ACAP2: variants seen among roughly 807,000 people sequenced by gnomAD.
ACAP2 encodes arf-GAP with coiled-coil, ANK repeat and PH domain-containing protein 2.
Under a neutral mutation model 115.8 loss-of-function variants are expected in ACAP2, and 39 were observed. The observed-to-expected ratio is 0.34, with a 90% CI of 0.26 to 0.44. The LOEUF (loss-of-function observed/expected upper bound fraction) is 0.44, where lower values mean the gene tolerates loss of function less well. ACAP2 is among the 20% of genes least tolerant of loss of function. ACAP2 has a pLI of 1.00. For missense variants in ACAP2, 662 were observed against 927.6 expected, an observed-to-expected ratio of 0.71 and a Z score of 3.72; for synonymous variants, 289 against 315.8, an observed-to-expected ratio of 0.92 and a Z score of 0.90.
At chr3:195,368,341 G>C (rs1250149390) in intron 4 of ACAP2, among the ~76,000 whole-genome samples, 2 of 152,056 alleles carry the variant, frequency 1.3e-5, no homozygotes, top group Non-Finnish European at 2.9e-5. Flanking sequence ...ATAGAGACGG[G>C]GTTTCACCAT....
chr3:195,386,982 T>C (rs1229261519), intron 2 of ACAP2, among the ~76,000 whole-genome samples: 2 of 152,010 alleles, frequency 1.3e-5, no homozygotes, highest in South Asian at 2.1e-4. Context: ...GCACAGAACA[T>C]AGCCATGAAA....
At chr3:195,326,391 C>T (rs1176245117) in intron 9 of ACAP2, 7 of 152,412 alleles carry the variant, frequency 4.6e-5, no homozygotes, top group South Asian at 2.1e-4. Flanking sequence ...TAGGCTTAGA[C>T]AATTTAACAG....
intron 4 of ACAP2, among the ~76,000 whole-genome samples, chr3:195,347,044 G>A (rs1311339170): frequency 2.0e-5 from 3 of 151,826 alleles, no homozygotes; most frequent in Non-Finnish European, 4.4e-5. Context: ...TTTTGGTGTG[G>A]AGACCCAACT....
chr3:195,438,001 G>A lies in ACAP2; in HGVS notation c.53+4794C>T, dbSNP rs554063790. ...CAAAGTGCTGGGATTACAAATGTAA[G>A]CCATTGCGCCCCACCTGCAAGAATT... On this transcript the variant is annotated intron_variant, in intron 1 of 22. Transcript: ENST00000326793. Among the ~76,000 whole-genome samples, 24 of 141,802 alleles carry A rather than the reference G, an allele frequency of 1.7e-4. No homozygotes were observed. The South Asian group carries it at 5.3e-3, about 31-fold the overall frequency. The allele number at this position is 141,802 out of a possible 152,430, so 93.0% of individuals were successfully genotyped here. A position where few individuals can be genotyped will look rare whatever the true frequency, so the allele number is the denominator to read the frequency against.
intron 10 of ACAP2, among the ~76,000 whole-genome samples, chr3:195,319,742 G>A (rs1221249935): frequency 6.6e-6 from 1 of 152,164 alleles, no homozygotes; most frequent in Non-Finnish European, 1.5e-5. Context: ...ACAGACAGAA[G>A]GGACTTGCCT....
chr3:195,379,165 T>C (rs991233556), intron 4 of ACAP2, among the ~76,000 whole-genome samples: 1 of 152,138 alleles, frequency 6.6e-6, no homozygotes, highest in African/African-American at 2.4e-5. Context: ...CGTGGTCAAA[T>C]TGGTGTCAAA....
chr3:195,278,539 C>T lies in ACAP2; in HGVS notation c.*789G>A, dbSNP rs1577222504. 1 of 151,590 alleles carries T rather than the reference C, an allele frequency of 6.6e-6. No individual in the cohort carries two copies. The highest frequency in any genetic ancestry group is 1.5e-5 in the Non-Finnish European group (1 of 67,912). The allele number at this position is 151,590 out of a possible 1,614,324, so 9.4% of individuals were successfully genotyped here. On this transcript the variant is annotated 3_prime_UTR_variant, in exon 23 of 23. Coordinates refer to ENST00000326793, the MANE Select transcript of ACAP2 (RefSeq NM_012287.6). ...TAACCTTTAAAACATACTTTTATTC[C>T]ATCGATACATCTGTCAAGGTTTTGG...
At chr3:195,424,755 A>C (rs1714532721) in intron 1 of ACAP2, among the ~76,000 whole-genome samples, 1 of 151,570 alleles carries the variant, frequency 6.6e-6, no homozygotes, top group Non-Finnish European at 1.5e-5. Flanking sequence ...GTCTCTACAA[A>C]AAATTTAAAA....
At chr3:195,315,919 C>T (rs1729059577) in intron 10 of ACAP2, among the ~76,000 whole-genome samples, 1 of 152,138 alleles carries the variant, frequency 6.6e-6, no homozygotes, top group Non-Finnish European at 1.5e-5. Context: ...AATCGACTTC[C>T]TTCTATTGTC....
In ACAP2 at chr3:195,420,479, G is replaced by A. The variant is rs1395810728; in HGVS notation, c.53+22316C>T. ...TTCTCCTGCCTCAGCCTCCCAAGTA[G>A]CTGGGACTATAGGCGCGTGCCACCA... On this transcript the variant is annotated intron_variant, in intron 1 of 22. Transcript: ENST00000326793. Among the ~76,000 whole-genome samples, 58 of 152,074 alleles carry A rather than the reference G, an allele frequency of 3.8e-4. No individual in the cohort carries two copies. In the Middle Eastern group the frequency reaches 0.017, roughly 45 times the overall value.
intron 21 of ACAP2, among the ~76,000 whole-genome samples, chr3:195,286,120 C>A (rs1726827600): frequency 6.6e-6 from 1 of 152,210 alleles, no homozygotes; most frequent in Non-Finnish European, 1.5e-5. Context: ...CGCAATACCT[C>A]TAGTGGCTTG....
chr3:195,378,785 C>T (rs1022750606), intron 4 of ACAP2, among the ~76,000 whole-genome samples: 2 of 149,826 alleles, frequency 1.3e-5, no homozygotes, highest in South Asian at 2.1e-4. Flanking sequence ...CACCTGAACC[C>T]GGGAGGCGGA....
chr3:195,332,377 AAAAC>A (rs1730230311), intron 8 of ACAP2, among the ~76,000 whole-genome samples: 1 of 152,222 alleles, frequency 6.6e-6, no homozygotes, highest in African/African-American at 2.4e-5. Context: ...TGTAGACTGC[AAAAC>A]AAACACTTTG....
chr3:195,382,078 T>G, intron 2 of ACAP2, 56 bp from the exon 3 acceptor site: 1 of 1,548,534 alleles, frequency 6.5e-7, no homozygotes, highest in East Asian at 2.3e-5. Context: ...AATTACTTAG[T>G]TGAACAAGTG....
In ACAP2 at chr3:195,428,327, G is replaced by GGT. The variant is rs1198340981; in HGVS notation, c.53+14466_53+14467dup. On this transcript the variant is annotated intron_variant, in intron 1 of 22. Transcript: ENST00000326793. ...AGATATATATACACTCATATATATA[G>GGT]GTGTGTGTGTATATATATATACACA... Among the ~76,000 whole-genome samples, 832 of 136,868 alleles carry GGT rather than the reference G, an allele frequency of 6.1e-3. 5 individuals carry two copies. Among genetic ancestry groups the GGT allele is most frequent in the African/African-American group, 0.021 (775 of 36,586 alleles). 89.8% of individuals were successfully genotyped at this position (136,868 alleles called of 152,430 possible). A position where few individuals can be genotyped will look rare whatever the true frequency, so the allele number is the denominator to read the frequency against.
At chr3:195,404,377 G>C (rs1030521383) in intron 1 of ACAP2, among the ~76,000 whole-genome samples, 1 of 152,058 alleles carries the variant, frequency 6.6e-6, no homozygotes, top group African/African-American at 2.4e-5. Flanking sequence ...TGATATTTTT[G>C]ATGAACCAAA....
chr3:195,403,693 G>C (rs1280308263), intron 1 of ACAP2, among the ~76,000 whole-genome samples: 2 of 152,184 alleles, frequency 1.3e-5, no homozygotes, highest in Non-Finnish European at 2.9e-5. Flanking sequence ...GGAGCAAAAA[G>C]AAAAATAGTT....
At chr3:195,294,327 C>G (rs1727473253) in intron 18 of ACAP2, among the ~76,000 whole-genome samples, 1 of 151,596 alleles carries the variant, frequency 6.6e-6, no homozygotes, top group Non-Finnish European at 1.5e-5. Context: ...TGGCTCAAAT[C>G]CCAGCACTTT....
chr3:195,336,171 T>C (rs1387269775), intron 7 of ACAP2: 1 of 151,392 alleles, frequency 6.6e-6, no homozygotes, highest in Non-Finnish European at 1.5e-5. Flanking sequence ...CCCAAAGTGC[T>C]GGGATTACAG....
Sources: allele counts gnomAD v4.1 joint callset (sites outside exome capture counted in the v4.1 genomes callset), GRCh38; gene constraint gnomAD v4.1.1; transcripts MANE v1.5; gene names NCBI Gene and HGNC (gene_info 2026-07-23, HGNC 2026-07-21).